The following ANKIB1 variants were observed in gnomAD, a reference collection of about 807,000 sequenced individuals.
ANKIB1 encodes ankyrin repeat and IBR domain-containing protein 1.
In ANKIB1, 43 loss-of-function variants were observed where a neutral mutation model predicts 122.1. That is an observed-to-expected ratio of 0.35 (90% CI 0.28 to 0.45). The LOEUF is 0.45. Ranked by LOEUF, ANKIB1 falls within the 20% of genes least tolerant of loss-of-function variation. ANKIB1 has a pLI of 1.00. For missense variants in ANKIB1, 992 were observed against 1,329.5 expected (o/e 0.75, Z 3.95); for synonymous variants, 390 against 442.0 (o/e 0.88, Z 1.48).
At chr7:92,315,870 A>G (rs1802783392) in intron 3 of ANKIB1, among the ~76,000 whole-genome samples, 1 of 152,168 alleles carries the variant, frequency 6.6e-6, no homozygotes, top group Non-Finnish European at 1.5e-5. Flanking sequence ...GCCAAGAAAG[A>G]TAGAAAATTT....
At chr7:92,299,685 G>T (rs954630877) in intron 2 of ANKIB1, among the ~76,000 whole-genome samples, 1 of 151,966 alleles carries the variant, frequency 6.6e-6, no homozygotes, top group Non-Finnish European at 1.5e-5. Flanking sequence ...AAACAATGCC[G>T]CTCTTTTCAC....
At chr7:92,395,990 A>T (rs2160553) in intron 17 of ANKIB1, 1 of 218,530 alleles carries the variant, frequency 4.6e-6, no homozygotes, top group South Asian at 6.5e-5. Flanking sequence ...CTCTAAAAAT[A>T]AAAAAATAAA....
intron 4 of ANKIB1, among the ~76,000 whole-genome samples, chr7:92,324,925 G>C (rs189800142): frequency 6.6e-6 from 1 of 152,174 alleles, no homozygotes; most frequent in African/African-American, 2.4e-5. Flanking sequence ...AGGTGTTTAC[G>C]TTCCAACAGG....
intron 17 of ANKIB1, 70 bp downstream of exon 17, chr7:92,392,362 A>T: frequency 7.4e-7 from 1 of 1,346,022 alleles, no homozygotes; most frequent in Non-Finnish European, 1.0e-6. Flanking sequence ...TTGCATCCTT[A>T]TCTATTCTAA....
At chr7:92,326,945 T>C (rs1803040063) in intron 4 of ANKIB1, among the ~76,000 whole-genome samples, 1 of 152,152 alleles carries the variant, frequency 6.6e-6, no homozygotes, top group Non-Finnish European at 1.5e-5. Flanking sequence ...CCCTAGTAGC[T>C]GAGACTATGG....
intron 11 of ANKIB1, among the ~76,000 whole-genome samples, chr7:92,375,419 C>G (rs1271830960): frequency 2.0e-5 from 3 of 152,196 alleles, no homozygotes; most frequent in Non-Finnish European, 2.9e-5. Context: ...ATGTAATATT[C>G]TAGTCTTTGT....
At chr7:92,327,653 C>T (rs748287136) in intron 4 of ANKIB1, 130 bp from the exon 5 acceptor site, 3 of 437,594 alleles carry the variant, frequency 6.9e-6, no homozygotes, top group Non-Finnish European at 7.9e-6. Context: ...TGTTTTCAAT[C>T]TACAGTTGAT....
chr7:92,326,809 T>TAA (rs900425512), intron 4 of ANKIB1, among the ~76,000 whole-genome samples: 1 of 146,766 alleles, frequency 6.8e-6, no homozygotes, highest in African/African-American at 2.5e-5. Flanking sequence ...AACTTTCCTT[T>TAA]AAAAAAAAAA....
intron 1 of ANKIB1, among the ~76,000 whole-genome samples, chr7:92,254,209 G>A (rs1250396828): frequency 6.6e-6 from 1 of 152,146 alleles, no homozygotes; most frequent in Non-Finnish European, 1.5e-5. Context: ...GAAACTGCTA[G>A]CCAACCTACA....
rs186714130 is a variant in ANKIB1, at chr7:92,348,909, A to G, written c.1086-2041A>G. Among the ~76,000 whole-genome samples the G allele has an allele frequency of 2.0e-5, 3 of 152,368 alleles. No homozygotes were observed. In the East Asian group the frequency reaches 5.8e-4, roughly 29 times the overall value. ...CTGAATTCTTTAATAAGTTGGGCTA[A>G]TGGGTAGTCATTGTGGCCCAGTGAA... On this transcript the variant is annotated intron_variant, in intron 7 of 19. Coordinates refer to ENST00000265742, the MANE Select transcript of ANKIB1 (RefSeq NM_019004.2).
chr7:92,396,004 T>TAAAAAAC (rs1554351045), intron 17 of ANKIB1: 3 of 217,444 alleles, frequency 1.4e-5, no homozygotes, highest in African/African-American at 7.2e-5. Context: ...AAATAAAAAA[T>TAAAAAAC]AAAAAACCTC....
chr7:92,377,123 C>G (rs1456105108), intron 11 of ANKIB1, among the ~76,000 whole-genome samples: 1 of 152,206 alleles, frequency 6.6e-6, no homozygotes, highest in Non-Finnish European at 1.5e-5. Context: ...GCCTTCCTTA[C>G]TAAGCTTAAT....
chr7:92,292,044 T>C (rs1562773008), intron 1 of ANKIB1, among the ~76,000 whole-genome samples: 1 of 152,204 alleles, frequency 6.6e-6, no homozygotes, highest in African/African-American at 2.4e-5. Flanking sequence ...GCTCTATACA[T>C]AGACATATTT....
At chr7:92,376,250 G>A (rs1804376953) in intron 11 of ANKIB1, among the ~76,000 whole-genome samples, 1 of 152,104 alleles carries the variant, frequency 6.6e-6, no homozygotes, top group East Asian at 1.9e-4. Context: ...TCGAAGCTTT[G>A]GAGCCAGACA....
intron 17 of ANKIB1, among the ~76,000 whole-genome samples, chr7:92,392,726 G>A (rs1471502194): frequency 6.6e-6 from 1 of 151,998 alleles, no homozygotes; most frequent in Non-Finnish European, 1.5e-5. Context: ...TGGAAAACTT[G>A]ACTTTAATAA....
chr7:92,303,459 T>C (rs1442340871), intron 2 of ANKIB1, among the ~76,000 whole-genome samples: 4 of 152,158 alleles, frequency 2.6e-5, no homozygotes, highest in Admixed American at 2.6e-4. Context: ...TGAATTCTGG[T>C]CATACTTCCC....
At chr7:92,264,337 A>G (rs1279081814) in intron 1 of ANKIB1, among the ~76,000 whole-genome samples, 1 of 152,096 alleles carries the variant, frequency 6.6e-6, no homozygotes, top group Non-Finnish European at 1.5e-5. Flanking sequence ...AACCATAGTA[A>G]CAATTCAGAG....
At chr7:92,355,334 T>G (rs1293360777) in intron 9 of ANKIB1, among the ~76,000 whole-genome samples, 2 of 152,050 alleles carry the variant, frequency 1.3e-5, no homozygotes, top group East Asian at 3.9e-4. Flanking sequence ...AGTGTCTCTC[T>G]TCTCTGAGAC....
At chr7:92,341,687 A>ATACCTATATG (rs1803443975) in intron 5 of ANKIB1, among the ~76,000 whole-genome samples, 1 of 152,214 alleles carries the variant, frequency 6.6e-6, no homozygotes, top group Non-Finnish European at 1.5e-5. Flanking sequence ...ACCTATGTAA[A>ATACCTATATG]ATAATCACCA....
Sources: gnomAD v4.1 joint callset for allele counts (sites outside exome capture counted in the v4.1 genomes callset) on GRCh38, gnomAD v4.1.1 for gene constraint, MANE v1.5 for transcripts, NCBI Gene and HGNC (gene_info 2026-07-23, HGNC 2026-07-21) for gene names.